The following RBMS3 variants were observed in gnomAD, a reference collection of about 807,000 sequenced individuals.
RBMS3 encodes the protein RNA-binding motif, single-stranded-interacting protein 3.
RBMS3 carries 27 observed loss-of-function variants against 66.8 expected under a neutral mutation model. That is an observed-to-expected ratio of 0.40 (90% CI 0.30 to 0.56). RBMS3 has a LOEUF of 0.56. Among genes scored for constraint, RBMS3 ranks in the 20% least tolerant of loss-of-function variants. The pLI, the probability that RBMS3 is intolerant of heterozygous loss-of-function variation, is 0.40. For synonymous variants in RBMS3, 188 were observed against 183.0 expected (o/e 1.03, Z -0.22); for missense variants, 513 against 549.5 (o/e 0.93, Z 0.66).
chr3:29,598,861 C>G (rs2048051745), intron 4 of RBMS3, among the ~76,000 whole-genome samples: 1 of 151,646 alleles, frequency 6.6e-6, no homozygotes, highest in Non-Finnish European at 1.5e-5. Context: ...GAACAAAAAC[C>G]TACAAGGAGG....
intron 4 of RBMS3, among the ~76,000 whole-genome samples, chr3:29,689,748 C>T (rs1183004320): frequency 2.0e-5 from 3 of 151,402 alleles, no homozygotes; most frequent in Non-Finnish European, 2.9e-5. Flanking sequence ...GAAATCTCTG[C>T]TTGCATCCAT....
chr3:29,783,267 A>G (rs533918708), intron 6 of RBMS3, among the ~76,000 whole-genome samples: 31 of 152,292 alleles, frequency 2.0e-4, no homozygotes, highest in African/African-American at 7.5e-4. Context: ...TAAAGTCAAG[A>G]CAAAGGAAAG....
chr3:29,905,645 A>G (rs1165871088), intron 10 of RBMS3, among the ~76,000 whole-genome samples: 1 of 152,110 alleles, frequency 6.6e-6, no homozygotes, highest in East Asian at 1.9e-4. Context: ...TATAACTGAC[A>G]ATACCTTAAT....
At chr3:29,594,270 T>C (rs1313699967) in intron 4 of RBMS3, among the ~76,000 whole-genome samples, 2 of 152,184 alleles carry the variant, frequency 1.3e-5, no homozygotes, top group Non-Finnish European at 2.9e-5. Flanking sequence ...GTTTGGAATT[T>C]TTTTTTCATG....
intron 6 of RBMS3, among the ~76,000 whole-genome samples, chr3:29,864,980 G>A (rs1389812039): frequency 8.3e-6 from 1 of 119,870 alleles, no homozygotes; most frequent in Admixed American, 8.7e-5. Context: ...AAGGGAGGGA[G>A]GGAGGAAGGA....
rs1308376490 is a variant in RBMS3 at position 29,974,272 on chromosome 3, C to T, written c.1099-13871C>T. On this transcript the variant is annotated intron_variant, in intron 12 of 14. Coordinates refer to ENST00000383767, the MANE Select transcript of RBMS3 (RefSeq NM_001003793.3). ...AGCCCACCACCTTTCATTTTCACCT[C>T]ACATCTTGCTTCATATATAGAAATG... 2.6e-5 allele frequency among the ~76,000 whole-genome samples: 4 copies of T among 151,900 alleles called. No individual in the cohort carries two copies. In the East Asian group the frequency reaches 7.7e-4, roughly 29 times the overall value.
rs182107019 is a variant in RBMS3 at position 29,295,919 on chromosome 3, C to T, written c.75+14163C>T. ...AATTGCCATGATGAGTTTCGTATTA[C>T]ACAAGGATTAACATCTCTCTTTGGC... On this transcript the variant is annotated intron_variant, in intron 1 of 14. Coordinates refer to ENST00000383767, the MANE Select transcript of RBMS3 (RefSeq NM_001003793.3). 1.3e-4 allele frequency among the ~76,000 whole-genome samples: 19 copies of T among 151,818 alleles called. No individual in the cohort carries two copies. In the East Asian group the frequency reaches 3.5e-3, roughly 28 times the overall value.
chr3:29,520,167 A>T (rs1281260681), intron 3 of RBMS3, among the ~76,000 whole-genome samples: 1 of 152,156 alleles, frequency 6.6e-6, no homozygotes, highest in African/African-American at 2.4e-5. Flanking sequence ...GTAGCTACTG[A>T]GCACTTAAAT....
chr3:29,480,084 ACT>A, intron 2 of RBMS3, among the ~76,000 whole-genome samples: 1 of 152,334 alleles, frequency 6.6e-6, no homozygotes, highest in South Asian at 2.1e-4. Flanking sequence ...ATATCTAATA[ACT>A]CTAACTGGAG....
chr3:29,706,271 G>A (rs2052888238), intron 4 of RBMS3, among the ~76,000 whole-genome samples: 1 of 152,120 alleles, frequency 6.6e-6, no homozygotes, highest in African/African-American at 2.4e-5. Context: ...AGTAATTCCA[G>A]TGTTGTAATT....
chr3:29,954,103 T>C (rs1485630893), intron 12 of RBMS3, among the ~76,000 whole-genome samples: 1 of 151,836 alleles, frequency 6.6e-6, no homozygotes, highest in Admixed American at 6.6e-5. Flanking sequence ...TTTCCTATGC[T>C]TAATGAAATG....
At chr3:29,378,036 G>C (rs2038567206) in intron 1 of RBMS3, among the ~76,000 whole-genome samples, 1 of 152,028 alleles carries the variant, frequency 6.6e-6, no homozygotes, top group Non-Finnish European at 1.5e-5. Context: ...TGGTTGCTAG[G>C]GAAAGCAAAA....
chr3:29,955,188 T>C (rs562496298), intron 12 of RBMS3, among the ~76,000 whole-genome samples: 2 of 151,996 alleles, frequency 1.3e-5, no homozygotes, highest in East Asian at 3.9e-4. Context: ...ACCTAAAATT[T>C]CTCTGACAGA....
rs944878341 is a variant in RBMS3, at chr3:29,858,294, T to C, written c.638-10564T>C. 5.3e-5 allele frequency among the ~76,000 whole-genome samples: 8 copies of C among 152,258 alleles called. No individual in the cohort carries two copies. The South Asian group carries it at 1.7e-3, about 32-fold the overall frequency. On this transcript the variant is annotated intron_variant, in intron 6 of 14. Transcript: ENST00000383767. The stretch of plus-strand genomic sequence containing the variant: ...CTTGTACCTCTTTCTAATAAAAAAT[T>C]TCATCTTATATGTAGTACATAGTAA...
At chr3:29,286,536 T>C (rs550470199) in intron 1 of RBMS3, among the ~76,000 whole-genome samples, 2 of 152,266 alleles carry the variant, frequency 1.3e-5, no homozygotes, top group South Asian at 2.1e-4. Flanking sequence ...GCATTTTCCT[T>C]TCACTTTCTT....
chr3:29,701,617 A>G (rs1012111073), intron 4 of RBMS3, among the ~76,000 whole-genome samples: 2 of 150,164 alleles, frequency 1.3e-5, no homozygotes, highest in African/African-American at 4.9e-5. Context: ...CGCGTCGTTC[A>G]CGGCCCTGTG....
chr3:29,390,172 G>A (rs1340964084), intron 1 of RBMS3, among the ~76,000 whole-genome samples: 2 of 152,052 alleles, frequency 1.3e-5, no homozygotes, highest in African/African-American at 4.8e-5. Flanking sequence ...CAAAGCTATG[G>A]GAGACTTTTT....
At chr3:29,546,099 G>C (rs1245423373) in intron 3 of RBMS3, among the ~76,000 whole-genome samples, 1 of 140,964 alleles carries the variant, frequency 7.1e-6, no homozygotes, top group Non-Finnish European at 1.5e-5. Flanking sequence ...ACTGTTTGAT[G>C]AGACGGGTTT....
intron 4 of RBMS3, among the ~76,000 whole-genome samples, chr3:29,639,588 A>G (rs1211102453): frequency 7.0e-6 from 1 of 142,774 alleles, no homozygotes; most frequent in Admixed American, 7.1e-5. Context: ...TAGATAGAAG[A>G]TAGACAGAGA....
Sources: gnomAD v4.1 joint callset for allele counts (sites outside exome capture counted in the v4.1 genomes callset) on GRCh38, gnomAD v4.1.1 for gene constraint, MANE v1.5 for transcripts, NCBI Gene and HGNC (gene_info 2026-07-23, HGNC 2026-07-21) for gene names.